The following UBE4B variants were observed in gnomAD, a reference collection of about 807,000 sequenced individuals.
UBE4B encodes the protein ubiquitin conjugation factor E4 B.
UBE4B carries 27 observed loss-of-function variants against 148.1 expected under a neutral mutation model. The observed-to-expected ratio is 0.18, with a 90% CI of 0.13 to 0.25. UBE4B has a LOEUF of 0.25. Ranked by LOEUF, UBE4B falls within the 10% of genes least tolerant of loss-of-function variation. The pLI is 1.00. For missense variants in UBE4B, 1,170 were observed against 1,662.4 expected (o/e 0.70, Z 5.15); for synonymous variants, 596 against 619.3 (o/e 0.96, Z 0.56).
chr1:10,115,928 T>C (rs887490792), intron 7 of UBE4B, among the ~76,000 whole-genome samples: 1 of 152,264 alleles, frequency 6.6e-6, no homozygotes, highest in African/African-American at 2.4e-5. Context: ...TATGGCATTA[T>C]AACCTTGTGG....
intron 15 of UBE4B, 52 bp from the exon 16 acceptor site, chr1:10,134,936 A>G: frequency 6.4e-7 from 1 of 1,564,562 alleles, no homozygotes; most frequent in Non-Finnish European, 8.7e-7. Flanking sequence ...CCCCATCTCA[A>G]AAAAAATTTT....
chr1:10,134,615 T>A (rs967400203), intron 15 of UBE4B, among the ~76,000 whole-genome samples: 1 of 152,206 alleles, frequency 6.6e-6, no homozygotes, highest in African/African-American at 2.4e-5. Context: ...TAATATAGAA[T>A]TAATGGAATG....
intron 7 of UBE4B, among the ~76,000 whole-genome samples, chr1:10,108,146 GGTGT>G (rs145406095): frequency 1.3e-4 from 19 of 148,734 alleles, no homozygotes; most frequent in African/African-American, 4.5e-4. Flanking sequence ...ATTTGGGGGA[GGTGT>G]GTGTGTGTGT....
intron 1 of UBE4B, among the ~76,000 whole-genome samples, chr1:10,045,527 G>A (rs994093050): frequency 2.2e-4 from 34 of 152,146 alleles, no homozygotes; most frequent in African/African-American, 8.0e-4. Flanking sequence ...GAAAAATAAT[G>A]GTACAGTCTA....
At chr1:10,174,874 A>T (rs186722221) in intron 25 of UBE4B, among the ~76,000 whole-genome samples, 1 of 151,996 alleles carries the variant, frequency 6.6e-6, no homozygotes, top group Non-Finnish European at 1.5e-5. Context: ...AGAAGGATGG[A>T]TGGTTGGCAA....
chr1:10,066,083 T>TCGTA (rs1644381923), intron 1 of UBE4B, among the ~76,000 whole-genome samples: 1 of 132,558 alleles, frequency 7.5e-6, no homozygotes, highest in South Asian at 2.9e-4. Context: ...CTCTCTACCT[T>TCGTA]CGTACCTCCC....
At chr1:10,142,492 G>A (rs567789393) in intron 17 of UBE4B, among the ~76,000 whole-genome samples, 1 of 152,192 alleles carries the variant, frequency 6.6e-6, no homozygotes, top group East Asian at 1.9e-4. Flanking sequence ...CCAACATGGT[G>A]AAACCTCGTC....
At chr1:10,164,515 A>G (rs1355951850) in intron 23 of UBE4B, among the ~76,000 whole-genome samples, 1 of 152,178 alleles carries the variant, frequency 6.6e-6, no homozygotes, top group Non-Finnish European at 1.5e-5. Flanking sequence ...ATGGCTGGCC[A>G]GCGTATATTT....
intron 9 of UBE4B, among the ~76,000 whole-genome samples, chr1:10,119,922 G>A (rs1645382334): frequency 6.6e-6 from 1 of 152,172 alleles, no homozygotes; most frequent in Non-Finnish European, 1.5e-5. Context: ...TGACTATACA[G>A]CAACTGCCTG....
Position 10,161,802 on chromosome 1 carries a change from G to A in UBE4B, c.3198+516G>A, listed in dbSNP as rs1170471729. ...GAAAGCACGTGCCGTGCCAGTACCA[G>A]TGCTCTTTCCTGACGTGCGTAGCAG... On this transcript the variant is annotated intron_variant, in intron 23 of 27. Coordinates refer to ENST00000343090, the MANE Select transcript of UBE4B (RefSeq NM_001105562.3). The surrounding 1 kb of genome is among the most constrained non-coding windows in gnomAD (Gnocchi z 4.1). Among the ~76,000 whole-genome samples, 2 of 152,146 alleles carry A rather than the reference G, an allele frequency of 1.3e-5. No homozygotes were observed. Among genetic ancestry groups the A allele is most frequent in the African/African-American group, 2.4e-5 (1 of 41,442 alleles).
At chr1:10,055,095 T>C (rs1015340366) in intron 1 of UBE4B, among the ~76,000 whole-genome samples, 1 of 152,104 alleles carries the variant, frequency 6.6e-6, no homozygotes, top group Non-Finnish European at 1.5e-5. Flanking sequence ...GTGTTTTTAC[T>C]TTGAACAGAT....
At chr1:10,107,184 T>G (rs777471519) in intron 7 of UBE4B, 107 of 1,288,942 alleles carry the variant, frequency 8.3e-5, no homozygotes, top group Non-Finnish European at 1.1e-4. Context: ...TGTTTTTTCT[T>G]TGTTCTCTGA....
At chr1:10,149,124 C>A (rs1645929951) in intron 19 of UBE4B, 60 bp from the exon 20 acceptor site, 1 of 1,219,038 alleles carries the variant, frequency 8.2e-7, no homozygotes, top group African/African-American at 1.5e-5. Flanking sequence ...TGTAATACTC[C>A]TTGTAGTTTG....
chr1:10,122,101 G>A (rs1328878194), intron 10 of UBE4B, 25 bp downstream of exon 10: 2 of 1,534,936 alleles, frequency 1.3e-6, no homozygotes, highest in South Asian at 1.2e-5. Flanking sequence ...GTTTGCTCTT[G>A]CAAATTTTAG....
At chr1:10,093,904 A>G (rs1387316085) in intron 2 of UBE4B, among the ~76,000 whole-genome samples, 2 of 152,006 alleles carry the variant, frequency 1.3e-5, no homozygotes, top group Non-Finnish European at 1.5e-5. Context: ...CACATTGGCC[A>G]TGCTGGTCTC....
intron 23 of UBE4B, among the ~76,000 whole-genome samples, chr1:10,164,152 C>G (rs1557609999): frequency 6.6e-6 from 1 of 151,972 alleles, no homozygotes; most frequent in Non-Finnish European, 1.5e-5. Flanking sequence ...ACCAGCCTGG[C>G]CAACATGGTG....
intron 26 of UBE4B, 166 bp from the exon 27 acceptor site, chr1:10,179,250 A>T (rs1186797648): frequency 2.5e-6 from 2 of 786,416 alleles, no homozygotes; most frequent in Non-Finnish European, 4.0e-6. Context: ...AAGGCAATGT[A>T]TATGCCTTTA....
chr1:10,101,923 A>C (rs1045558823), intron 4 of UBE4B, among the ~76,000 whole-genome samples: 1 of 152,068 alleles, frequency 6.6e-6, no homozygotes, highest in African/African-American at 2.4e-5. Context: ...GGTTTTGGAA[A>C]ACATGAAGCC....
chr1:10,047,641 C>T (rs975227907), intron 1 of UBE4B, among the ~76,000 whole-genome samples: 8 of 151,872 alleles, frequency 5.3e-5, no homozygotes, highest in African/African-American at 1.7e-4. Flanking sequence ...TGCAGGTGCC[C>T]GCCACCACAC....
Sources: gnomAD v4.1 joint callset for allele counts (sites outside exome capture counted in the v4.1 genomes callset) on GRCh38, gnomAD v4.1.1 for gene constraint, Gnocchi (gnomAD v3.1) non-coding constraint, MANE v1.5 for transcripts, NCBI Gene and HGNC (gene_info 2026-07-23, HGNC 2026-07-21) for gene names.